Variants in TRAK1 observed in about 807,000 individuals in gnomAD.
TRAK1 encodes trafficking kinesin protein 1.
A neutral mutation model predicts 92.1 loss-of-function variants in TRAK1; 33 were observed. The ratio of observed to expected loss-of-function variants is 0.36; its 90% CI spans 0.27 to 0.48. TRAK1 has a LOEUF of 0.48. Among genes scored for constraint, TRAK1 ranks in the 20% least tolerant of loss-of-function variants. TRAK1 has a pLI of 0.99. For missense variants in TRAK1, 1,123 were observed against 1,257.9 expected (o/e 0.89, Z 1.62); for synonymous variants, 521 against 517.3 (o/e 1.01, Z -0.10).
intron 1 of TRAK1, among the ~76,000 whole-genome samples, chr3:42,120,917 A>C (rs759284269): frequency 3.1e-4 from 47 of 152,202 alleles, no homozygotes; most frequent in Non-Finnish European, 6.2e-4. Context: ...TTCATTTTAC[A>C]TGCCTACCAC....
chr3:42,015,954 T>C (rs977607277), intron 1 of TRAK1, among the ~76,000 whole-genome samples: 2 of 152,088 alleles, frequency 1.3e-5, no homozygotes, highest in Non-Finnish European at 2.9e-5. Context: ...GGAGAATAGC[T>C]TGAATCCGGG....
intron 2 of TRAK1, among the ~76,000 whole-genome samples, chr3:42,142,790 A>G (rs537285374): frequency 1.2e-4 from 19 of 152,196 alleles, no homozygotes; most frequent in Non-Finnish European, 2.2e-4. Context: ...TTGAAGATTC[A>G]TGGCCTTTAC....
intron 2 of TRAK1, chr3:42,151,387 T>C (rs1699931608): frequency 2.2e-6 from 1 of 456,574 alleles, no homozygotes; most frequent in Middle Eastern, 3.3e-4. Context: ...TGTCTTCCTC[T>C]AAGAGCAAAG....
intron 1 of TRAK1, among the ~76,000 whole-genome samples, chr3:42,125,205 A>G (rs1179219144): frequency 6.6e-6 from 1 of 152,248 alleles, no homozygotes; most frequent in Non-Finnish European, 1.5e-5. Context: ...AAACAGCAGG[A>G]AACATTTGGG....
At chr3:42,056,633 A>T (rs1483668193) in intron 1 of TRAK1, among the ~76,000 whole-genome samples, 2 of 152,210 alleles carry the variant, frequency 1.3e-5, no homozygotes, top group African/African-American at 4.8e-5. Flanking sequence ...AAATTTTGAA[A>T]TTAAAAACAT....
chr3:42,141,063 C>G (rs1426305303), intron 2 of TRAK1, among the ~76,000 whole-genome samples: 1 of 152,126 alleles, frequency 6.6e-6, no homozygotes, highest in Non-Finnish European at 1.5e-5. Flanking sequence ...TCTGTGAGGT[C>G]TGAGACACTC....
At chr3:42,186,051 C>T (rs1704801605) in intron 4 of TRAK1, among the ~76,000 whole-genome samples, 1 of 141,520 alleles carries the variant, frequency 7.1e-6, no homozygotes, top group Non-Finnish European at 1.5e-5. Flanking sequence ...CGTGAGATCA[C>T]AGCTCACTGC....
At chr3:42,197,793 C>A (rs546516153) in intron 10 of TRAK1, among the ~76,000 whole-genome samples, 1 of 152,198 alleles carries the variant, frequency 6.6e-6, no homozygotes, top group Non-Finnish European at 1.5e-5. Flanking sequence ...GGAGTCTCCC[C>A]GCTTGGTTCC....
chr3:42,101,997 A>C (rs1328605404), intron 1 of TRAK1, among the ~76,000 whole-genome samples: 2 of 152,090 alleles, frequency 1.3e-5, no homozygotes, highest in African/African-American at 2.4e-5. Flanking sequence ...TTATTTATTT[A>C]TTTTTTGAGA....
At chr3:42,150,165 G>A (rs1177050218) in intron 2 of TRAK1, among the ~76,000 whole-genome samples, 4 of 152,124 alleles carry the variant, frequency 2.6e-5, no homozygotes, top group Non-Finnish European at 4.4e-5. Flanking sequence ...CAACAGAGAT[G>A]GGGGTGGGGA....
chr3:42,064,297 C>T (rs1245117645), intron 1 of TRAK1, among the ~76,000 whole-genome samples: 1 of 151,444 alleles, frequency 6.6e-6, no homozygotes, highest in East Asian at 1.9e-4. Context: ...GACCCTGTCT[C>T]TACCAAAAAT....
At chr3:42,154,246 C>T (rs1209610508) in intron 2 of TRAK1, among the ~76,000 whole-genome samples, 1 of 152,124 alleles carries the variant, frequency 6.6e-6, no homozygotes, top group Non-Finnish European at 1.5e-5. Context: ...GATCTCAGCT[C>T]ACTGCAATGT....
chr3:42,041,066 A>G (rs1324539641), intron 1 of TRAK1, among the ~76,000 whole-genome samples: 1 of 149,902 alleles, frequency 6.7e-6, no homozygotes, highest in Admixed American at 6.6e-5. Flanking sequence ...TTTTTTCCCC[A>G]AGATTATTTT....
At chr3:42,144,965 CTATTA>C (rs1373816749) in intron 2 of TRAK1, among the ~76,000 whole-genome samples, 3 of 152,020 alleles carry the variant, frequency 2.0e-5, no homozygotes, top group Non-Finnish European at 2.9e-5. Flanking sequence ...TTTTCTATGT[CTATTA>C]TATTTAAGTA....
Position 42,202,603 on chromosome 3 carries a change from A to G in TRAK1, c.1595A>G (p.Glu532Gly). ...RKLQELAEKG[E>G]LRSGSLTPTE... ...CTCCAGGAGCTGGCGGAGAAGGGCG[A>G]GCTGCGCAGCGGCTCCCTCACACCC... Residue 532 changes from glutamate (E) to glycine (G), a missense_variant, in exon 13 of 16, where the codon GAG (glutamate) becomes GGG (glycine). Glu to Gly is a moderately conservative substitution (Grantham distance 98, BLOSUM62 -2). Around this residue, in one of 3 missense-constraint regions of TRAK1, gnomAD observed 686 missense variants for 747.6 expected, o/e 0.92. Transcript: ENST00000327628. The surrounding 1 kb of genome is among the most constrained non-coding windows in gnomAD (Gnocchi z 6.1). 2.5e-6 allele frequency: 4 copies of G among 1,594,386 alleles called. No homozygotes were observed. The South Asian group carries it at 3.3e-5, about 13-fold the overall frequency.
intron 1 of TRAK1, among the ~76,000 whole-genome samples, chr3:42,047,200 C>CTT (rs561224807): frequency 6.3e-4 from 67 of 107,126 alleles, no homozygotes; most frequent in Admixed American, 1.2e-3. Context: ...AAAAACTGAT[C>CTT]TTTTTTTTTT....
At position 42,060,842 on chromosome 3, in the gene TRAK1, G is replaced by A. The variant is rs572514577; in HGVS notation, c.-518-26262G>A. Among the ~76,000 whole-genome samples, 5 of 152,104 alleles carry A rather than the reference G, an allele frequency of 3.3e-5. No homozygotes were observed. The South Asian group carries it at 1.0e-3, about 32-fold the overall frequency. On this transcript the variant is annotated intron_variant, in intron 1 of 16. Transcript: ENST00000487159. ...AACGGAGTTTCGCCATGTTGGCCAGGCTGGTCTCGAACTCCTGACCTCAGT... is the reference window on the plus strand; with the variant it reads ...AACGGAGTTTCGCCATGTTGGCCAGACTGGTCTCGAACTCCTGACCTCAGT...
rs74484834 is a variant in TRAK1 at position 42,156,173 on chromosome 3, T to C, written c.287-20641T>C. 6.6e-3 allele frequency among the ~76,000 whole-genome samples: 1,008 copies of C among 152,370 alleles called. 6 individuals are homozygous for C. The highest frequency in any genetic ancestry group is 0.021 in the African/African-American group (882 of 41,584). On this transcript the variant is annotated intron_variant, in intron 2 of 15. Coordinates refer to ENST00000327628, the MANE Select transcript of TRAK1 (RefSeq NM_001042646.3). ...GGTTGGCACAGGGATTCCCAGGCTT[T>C]CTTGCCGGTCTTTGGGGGTTGTGTT... is the stretch of plus-strand genomic sequence containing the variant.
intron 14 of TRAK1, chr3:42,210,516 G>T: frequency 8.5e-7 from 1 of 1,180,166 alleles, no homozygotes; most frequent in Non-Finnish European, 1.0e-6. Context: ...AAGTCCCCTG[G>T]TGATTTCCAA....
Sources: allele counts gnomAD v4.1 joint callset (sites outside exome capture counted in the v4.1 genomes callset), GRCh38; gene constraint gnomAD v4.1.1; regional missense constraint gnomAD v4.1.1; non-coding constraint Gnocchi (gnomAD v3.1); transcripts MANE v1.5; gene names NCBI Gene and HGNC (gene_info 2026-07-23, HGNC 2026-07-21).